SLC20A2: variants seen among roughly 807,000 people sequenced by gnomAD.
The protein encoded by SLC20A2 is sodium-dependent phosphate transporter 2.
A neutral mutation model predicts 61.0 loss-of-function variants in SLC20A2; 30 were observed. The observed-to-expected ratio is 0.49, with a 90% CI of 0.37 to 0.67. The LOEUF (loss-of-function observed/expected upper bound fraction) is 0.67, where lower values mean the gene tolerates loss of function less well. Among genes scored for constraint, SLC20A2 ranks in the 30% least tolerant of loss-of-function variants. The pLI, the probability that SLC20A2 is intolerant of heterozygous loss-of-function variation, is 0.00. For synonymous variants in SLC20A2, 351 were observed against 353.3 expected (o/e 0.99, Z 0.07); for missense variants, 626 against 866.4 (o/e 0.72, Z 3.48).
Position 42,437,951 on chromosome 8 carries a change from C to T in SLC20A2, c.935-374G>A, listed in dbSNP as rs1222769937. ...ATATAAGCGAAGGAAACACTCCCTA[C>T]TATTTCATGGCACTTATCTCCAGAA... On this transcript the variant is annotated intron_variant, in intron 7 of 10. Coordinates refer to ENST00000520262, the MANE Select transcript of SLC20A2 (RefSeq NM_001257180.2). The surrounding 1 kb of genome is among the most constrained non-coding windows in gnomAD (Gnocchi z 6.4). 6.7e-6 allele frequency among the ~76,000 whole-genome samples: 1 copy of T among 149,762 alleles called. No individual in the cohort carries two copies. Among genetic ancestry groups the T allele is most frequent in the African/African-American group, 2.5e-5 (1 of 40,796 alleles).
Position 42,491,500 on chromosome 8 carries a change from G to A in SLC20A2, c.-265+9531C>T, listed in dbSNP as rs567873629. 2.0e-5 allele frequency among the ~76,000 whole-genome samples: 3 copies of A among 147,522 alleles called. No individual in the cohort carries two copies. The Admixed American group carries it at 2.0e-4, about 10-fold the overall frequency. The stretch of plus-strand genomic sequence containing the variant: ...AGCTTGGGCAACAGAGTGAGACTTC[G>A]TCTCCAAAAAAAAAAAAAAAATTAG... On this transcript the variant is annotated intron_variant, in intron 1 of 10. Coordinates refer to ENST00000520262, the MANE Select transcript of SLC20A2 (RefSeq NM_001257180.2).
chr8:42,505,713 T>C (rs7823700), upstream of SLC20A2, among the ~76,000 whole-genome samples: 140,236 of 151,926 alleles, frequency 0.92, 64,836 homozygotes, highest in African/African-American at 0.97. Flanking sequence ...GCCTGGCTAA[T>C]GTAGCGAAAC....
chr8:42,422,618 AC>A (rs1315389931), intron 10 of SLC20A2, among the ~76,000 whole-genome samples: 1 of 151,894 alleles, frequency 6.6e-6, no homozygotes, highest in Non-Finnish European at 1.5e-5. Context: ...CAGTATCCTC[AC>A]CCGCCCCACC....
intron 3 of SLC20A2, 112 bp downstream of exon 3, chr8:42,465,665 T>TG (rs1235940854): frequency 1.7e-5 from 18 of 1,087,028 alleles, no homozygotes; most frequent in African/African-American, 1.5e-4. Flanking sequence ...CACTCCAGCC[T>TG]GGCAACAGAG....
chr8:42,526,437 G>A (rs1432767827), intron 1 of SLC20A2, among the ~76,000 whole-genome samples: 1 of 152,026 alleles, frequency 6.6e-6, no homozygotes, highest in Non-Finnish European at 1.5e-5. Flanking sequence ...ACTTTGGGAG[G>A]CCAAGGTGGG....
chr8:42,439,086 T>C (rs1804560452), intron 7 of SLC20A2, among the ~76,000 whole-genome samples: 1 of 152,222 alleles, frequency 6.6e-6, no homozygotes, highest in African/African-American at 2.4e-5. Flanking sequence ...AATTTAGCTT[T>C]CTCTTTGCAT....
chr8:42,525,643 G>T (rs1176351789), intron 1 of SLC20A2, among the ~76,000 whole-genome samples: 2 of 147,000 alleles, frequency 1.4e-5, no homozygotes, highest in African/African-American at 5.0e-5. Flanking sequence ...ATACATGATC[G>T]ACAATTTTCA....
chr8:42,481,272 C>T (rs531140112), intron 1 of SLC20A2, among the ~76,000 whole-genome samples: 14 of 152,274 alleles, frequency 9.2e-5, no homozygotes, highest in African/African-American at 2.9e-4. Context: ...ATTTTAAAGA[C>T]GTGGCTGCGT....
chr8:42,421,740 G>T (rs943451781), intron 10 of SLC20A2, among the ~76,000 whole-genome samples: 11 of 152,098 alleles, frequency 7.2e-5, no homozygotes, highest in Non-Finnish European at 1.5e-4. Flanking sequence ...GGAGGTGGAG[G>T]TTGTGGTGAG....
intron 1 of SLC20A2, among the ~76,000 whole-genome samples, chr8:42,485,288 A>AC (rs1021022979): frequency 4.0e-5 from 6 of 151,228 alleles, no homozygotes; most frequent in African/African-American, 1.2e-4. Context: ...CCCAGAAAGC[A>AC]CCCCCCTCCA....
chr8:42,474,026 C>T (rs559409117), intron 1 of SLC20A2, among the ~76,000 whole-genome samples: 2 of 152,042 alleles, frequency 1.3e-5, no homozygotes, highest in Non-Finnish European at 2.9e-5. Context: ...CAAAAATTTG[C>T]TGGGCCTGGT....
At chr8:42,510,677 T>TGG (rs1029649334) in intron 1 of SLC20A2, among the ~76,000 whole-genome samples, 5 of 152,168 alleles carry the variant, frequency 3.3e-5, no homozygotes, top group Admixed American at 3.3e-4. Context: ...AACAGAGCCA[T>TGG]ATTCCTGGGT....
chr8:42,488,041 C>T lies in SLC20A2; in HGVS notation c.-265+12990G>A, dbSNP rs557606386. On this transcript the variant is annotated intron_variant, in intron 1 of 10. Coordinates refer to ENST00000520262, the MANE Select transcript of SLC20A2 (RefSeq NM_001257180.2). ...GCTTATTTCACTTAGGGTTCATCCACGTTGCAGCATGTATGAGGATTTCCT... is the reference window on the plus strand; with the variant it reads ...GCTTATTTCACTTAGGGTTCATCCATGTTGCAGCATGTATGAGGATTTCCT... Among the ~76,000 whole-genome samples, 23 of 152,302 alleles carry T rather than the reference C, an allele frequency of 1.5e-4. 1 individual carries two copies. Among genetic ancestry groups the T allele is most frequent in the African/African-American group, 4.6e-4 (19 of 41,566 alleles).
chr8:42,530,733 T>C (rs1332945041), intron 1 of SLC20A2, among the ~76,000 whole-genome samples: 1 of 152,160 alleles, frequency 6.6e-6, no homozygotes, highest in Non-Finnish European at 1.5e-5. Context: ...GGGTTTTGTT[T>C]TTGAGACAGT....
chr8:42,510,430 C>A (rs1586238101), intron 1 of SLC20A2, among the ~76,000 whole-genome samples: 1 of 152,282 alleles, frequency 6.6e-6, no homozygotes, highest in African/African-American at 2.4e-5. Flanking sequence ...ACATCCACTT[C>A]TCAGTTTACT....
At chr8:42,482,500 C>T (rs553363866) in intron 1 of SLC20A2, among the ~76,000 whole-genome samples, 1 of 152,078 alleles carries the variant, frequency 6.6e-6, no homozygotes, top group Non-Finnish European at 1.5e-5. Flanking sequence ...GGTGGTTCAT[C>T]CCTGCAATCC....
chr8:42,429,356 C>T (rs1053697213), intron 9 of SLC20A2, among the ~76,000 whole-genome samples: 1 of 152,124 alleles, frequency 6.6e-6, no homozygotes, highest in African/African-American at 2.4e-5. Context: ...TCTGCAGATG[C>T]GGGGCAGAGC....
intron 1 of SLC20A2, among the ~76,000 whole-genome samples, chr8:42,513,218 A>T (rs1023504560): frequency 6.6e-6 from 1 of 152,202 alleles, no homozygotes; most frequent in Non-Finnish European, 1.5e-5. Context: ...GTGAGATCAA[A>T]ATTAGAAACA....
intron 1 of SLC20A2, among the ~76,000 whole-genome samples, chr8:42,521,571 C>T (rs1459265112): frequency 5.0e-5 from 6 of 120,382 alleles, no homozygotes; most frequent in African/African-American, 1.5e-4. Context: ...CTCACTGCAG[C>T]CTCAACCTCC....
Sources: allele counts gnomAD v4.1 joint callset (sites outside exome capture counted in the v4.1 genomes callset), GRCh38; gene constraint gnomAD v4.1.1; non-coding constraint Gnocchi (gnomAD v3.1); transcripts MANE v1.5; gene names NCBI Gene and HGNC (gene_info 2026-07-23, HGNC 2026-07-21).